ATOSA: variants seen among roughly 807,000 people sequenced by gnomAD.
ATOSA encodes the protein atos homolog protein A.
chr15:52,650,309 A>G, the ATOSA span, among the ~76,000 whole-genome samples: 4 of 152,182 alleles, frequency 2.6e-5, no homozygotes, highest in African/African-American at 9.7e-5. Context: ...TCCAAATAAT[A>G]TAACTTTATT....
At chr15:52,665,234 T>C in the ATOSA span, among the ~76,000 whole-genome samples, 1 of 152,148 alleles carries the variant, frequency 6.6e-6, no homozygotes. Flanking sequence ...GTAATGAATC[T>C]GCATGTGTAC....
the ATOSA span, among the ~76,000 whole-genome samples, chr15:52,693,263 TACA>T: frequency 6.6e-6 from 1 of 151,950 alleles, no homozygotes; most frequent in Non-Finnish European, 1.5e-5. Flanking sequence ...CTACTAAAAG[TACA>T]AAAATTAGCT....
chr15:52,597,210 A>G, the ATOSA span, among the ~76,000 whole-genome samples: 58 of 2,140 alleles, frequency 0.027, no homozygotes, highest in East Asian at 0.25. Context: ...ATTCTATTCT[A>G]TTCTATTCTA....
chr15:52,650,702 T>C, the ATOSA span, among the ~76,000 whole-genome samples: 1 of 152,182 alleles, frequency 6.6e-6, no homozygotes, highest in Non-Finnish European at 1.5e-5. Context: ...TTTGTAGAGA[T>C]AACAAAGCCC....
the ATOSA span, among the ~76,000 whole-genome samples, chr15:52,639,696 T>C: frequency 6.6e-6 from 1 of 152,222 alleles, no homozygotes. Context: ...ACTGTTATAA[T>C]GCTATAATAA....
the ATOSA span, among the ~76,000 whole-genome samples, chr15:52,635,307 T>C: frequency 1.3e-5 from 2 of 152,150 alleles, no homozygotes; most frequent in African/African-American, 4.8e-5. Context: ...CACTCCACCA[T>C]CAAAAGCAGA....
At chr15:52,628,685 ATTAT>A in the ATOSA span, among the ~76,000 whole-genome samples, 3 of 152,334 alleles carry the variant, frequency 2.0e-5, no homozygotes, top group East Asian at 5.8e-4. Flanking sequence ...CTCAAATGAT[ATTAT>A]GAATAGATTA....
At chr15:52,638,207 G>A in the ATOSA span, among the ~76,000 whole-genome samples, 1 of 152,188 alleles carries the variant, frequency 6.6e-6, no homozygotes, top group Non-Finnish European at 1.5e-5. Flanking sequence ...AGAATGAATC[G>A]AGTGCTGAAG....
At chr15:52,685,025 T>A in the ATOSA span, among the ~76,000 whole-genome samples, 1 of 152,266 alleles carries the variant, frequency 6.6e-6, no homozygotes, top group Non-Finnish European at 1.5e-5. Context: ...ATGGTAGTAC[T>A]TTAGATATGT....
the ATOSA span, among the ~76,000 whole-genome samples, chr15:52,660,738 G>A: frequency 4.6e-3 from 693 of 152,138 alleles, 3 homozygotes; most frequent in African/African-American, 0.016. Flanking sequence ...TGCAACATCC[G>A]CCTCCCGGGT....
the ATOSA span, among the ~76,000 whole-genome samples, chr15:52,667,800 T>C: frequency 1.3e-5 from 2 of 152,326 alleles, no homozygotes; most frequent in East Asian, 1.9e-4. Flanking sequence ...AACAGGTATA[T>C]GAAAACATGT....
At chr15:52,692,613 C>G in the ATOSA span, among the ~76,000 whole-genome samples, 1 of 152,148 alleles carries the variant, frequency 6.6e-6, no homozygotes, top group Non-Finnish European at 1.5e-5. Context: ...TTTGGCCTCC[C>G]AAAGTGCTGG....
chr15:52,606,096 A>G, the ATOSA span, among the ~76,000 whole-genome samples: 2 of 152,078 alleles, frequency 1.3e-5, no homozygotes, highest in Non-Finnish European at 2.9e-5. Flanking sequence ...AACCATGGAA[A>G]GGAAACCGTG....
At chr15:52,703,083 A>G in the ATOSA span, among the ~76,000 whole-genome samples, 1 of 152,224 alleles carries the variant, frequency 6.6e-6, no homozygotes, top group African/African-American at 2.4e-5. Context: ...GATAAAAACA[A>G]ACAGGGTCTG....
chr15:52,680,380 T>A, the ATOSA span, among the ~76,000 whole-genome samples: 4 of 152,192 alleles, frequency 2.6e-5, no homozygotes, highest in African/African-American at 7.2e-5. Context: ...GTTTTTTTTT[T>A]AGATATAATT....
At chr15:52,616,291 G>A in the ATOSA span, among the ~76,000 whole-genome samples, 1 of 152,238 alleles carries the variant, frequency 6.6e-6, no homozygotes, top group Non-Finnish European at 1.5e-5. Context: ...GTAGTGACGT[G>A]TTGCTTGAGA....
the ATOSA span, chr15:52,611,105 CCTT>C: frequency 6.3e-7 from 1 of 1,589,988 alleles, no homozygotes. Context: ...TACGCACTGT[CCTT>C]TTTTTTTGGC....
the ATOSA span, among the ~76,000 whole-genome samples, chr15:52,703,230 T>C: frequency 2.5e-3 from 376 of 152,306 alleles, 1 homozygote; most frequent in Non-Finnish European, 4.0e-3. Flanking sequence ...CAAATCAGTG[T>C]TTCCTTGGGC....
At chr15:52,635,011 C>G in the ATOSA span, among the ~76,000 whole-genome samples, 1 of 152,000 alleles carries the variant, frequency 6.6e-6, no homozygotes, top group African/African-American at 2.4e-5. Flanking sequence ...ATATTAATAC[C>G]ACATTAAATA....
Sources: gnomAD v4.1 joint callset for allele counts (sites outside exome capture counted in the v4.1 genomes callset) on GRCh38, gnomAD v4.1.1 for gene constraint, MANE v1.5 for transcripts, NCBI Gene and HGNC (gene_info 2026-07-23, HGNC 2026-07-21) for gene names.